The following CLDN10 variants were observed in gnomAD, a reference collection of about 807,000 sequenced individuals.
CLDN10 encodes the protein claudin 10, also known as claudin-10.
CLDN10 carries 15 observed loss-of-function variants against 22.9 expected under a neutral mutation model. That is an observed-to-expected ratio of 0.65 (90% CI 0.44 to 1.01). CLDN10 has a LOEUF of 1.01. Ranked by LOEUF, CLDN10 falls within the 50% of genes least tolerant of loss-of-function variation. CLDN10 has a pLI of 0.00. For missense variants in CLDN10, 247 were observed against 287.8 expected (o/e 0.86, Z 1.03); for synonymous variants, 114 against 111.4 (o/e 1.02, Z -0.15).
At chr13:95,461,706 G>C (rs929610797) in intron 1 of CLDN10, among the ~76,000 whole-genome samples, 3 of 152,134 alleles carry the variant, frequency 2.0e-5, no homozygotes, top group African/African-American at 7.2e-5. Context: ...TGACAGTTCT[G>C]CTTTATAAAT....
chr13:95,462,622 C>A (rs2042545459), intron 1 of CLDN10, among the ~76,000 whole-genome samples: 1 of 152,046 alleles, frequency 6.6e-6, no homozygotes, highest in African/African-American at 2.4e-5. Context: ...GGCCTGGGGA[C>A]CACTTGGCAG....
intron 1 of CLDN10, among the ~76,000 whole-genome samples, chr13:95,477,286 G>C (rs1159588903): frequency 6.6e-6 from 1 of 152,190 alleles, no homozygotes; most frequent in Non-Finnish European, 1.5e-5. Flanking sequence ...AGCTAGCTCA[G>C]GACTGGCTAG....
chr13:95,482,966 C>T (rs1277594332), intron 1 of CLDN10, among the ~76,000 whole-genome samples: 2 of 152,090 alleles, frequency 1.3e-5, no homozygotes, highest in East Asian at 1.9e-4. Context: ...GCAACAAGAG[C>T]GAAACTCCAT....
intron 1 of CLDN10, among the ~76,000 whole-genome samples, chr13:95,435,139 T>C (rs1417587518): frequency 6.6e-6 from 1 of 152,186 alleles, no homozygotes; most frequent in Non-Finnish European, 1.5e-5. Context: ...CCAGAATGCC[T>C]TCAGGGAAAC....
At chr13:95,454,813 T>A (rs990280029) in intron 1 of CLDN10, among the ~76,000 whole-genome samples, 1 of 152,088 alleles carries the variant, frequency 6.6e-6, no homozygotes, top group African/African-American at 2.4e-5. Flanking sequence ...TAAATGCAAA[T>A]GAATATTTTG....
chr13:95,546,546 T>C (rs1336060665), intron 1 of CLDN10, among the ~76,000 whole-genome samples: 1 of 152,260 alleles, frequency 6.6e-6, no homozygotes, highest in Non-Finnish European at 1.5e-5. Flanking sequence ...CTTATAGGTA[T>C]GTTTTTGTAA....
At chr13:95,448,850 G>A (rs536375852) in intron 1 of CLDN10, among the ~76,000 whole-genome samples, 40 of 150,830 alleles carry the variant, frequency 2.7e-4, no homozygotes, top group African/African-American at 9.0e-4. Flanking sequence ...AGTGATTCTC[G>A]GTCCTCAGCC....
intron 3 of CLDN10, 104 bp from the exon 4 acceptor site, chr13:95,577,127 C>CA (rs59299736): frequency 9.4e-6 from 7 of 746,308 alleles, no homozygotes; most frequent in Middle Eastern, 5.6e-4. Flanking sequence ...TTTTCAATAG[C>CA]AAAAAAACAT....
chr13:95,460,942 C>G (rs2139089064), intron 1 of CLDN10, among the ~76,000 whole-genome samples: 1 of 152,200 alleles, frequency 6.6e-6, no homozygotes, highest in South Asian at 2.1e-4. Flanking sequence ...AACCCCATCT[C>G]TACTAAAAAT....
intron 3 of CLDN10, among the ~76,000 whole-genome samples, chr13:95,570,477 A>G (rs1332129978): frequency 1.3e-5 from 2 of 152,162 alleles, no homozygotes; most frequent in Non-Finnish European, 2.9e-5. Flanking sequence ...CCTACTGTGG[A>G]TGGTTTTTAA....
chr13:95,493,807 G>A (rs921347532), intron 1 of CLDN10, among the ~76,000 whole-genome samples: 5 of 152,054 alleles, frequency 3.3e-5, no homozygotes, highest in African/African-American at 7.2e-5. Flanking sequence ...TATTCAGCCC[G>A]CCTCAGCTTC....
chr13:95,460,845 A>T (rs1284512144), intron 1 of CLDN10, among the ~76,000 whole-genome samples: 1 of 152,070 alleles, frequency 6.6e-6, no homozygotes, highest in Non-Finnish European at 1.5e-5. Flanking sequence ...GCGGTGGCTC[A>T]CACCTGTAAT....
intron 1 of CLDN10, among the ~76,000 whole-genome samples, chr13:95,525,946 T>G (rs919382337): frequency 6.6e-6 from 1 of 152,230 alleles, no homozygotes; most frequent in Non-Finnish European, 1.5e-5. Flanking sequence ...GGTCTATAAA[T>G]CCTCTTATTT....
chr13:95,549,542 T>G (rs912958364), upstream of CLDN10, among the ~76,000 whole-genome samples: 28 of 152,244 alleles, frequency 1.8e-4, no homozygotes, highest in African/African-American at 6.8e-4. Context: ...CAAAACTAGC[T>G]TGAGAAGCAT....
intron 1 of CLDN10, among the ~76,000 whole-genome samples, chr13:95,498,284 C>T (rs551422117): frequency 5.9e-5 from 9 of 152,366 alleles, no homozygotes; most frequent in Non-Finnish European, 1.0e-4. Flanking sequence ...CCTTTAGATC[C>T]TTCTCCAGCA....
At chr13:95,472,133 T>C (rs914065690) in intron 1 of CLDN10, among the ~76,000 whole-genome samples, 1 of 152,008 alleles carries the variant, frequency 6.6e-6, no homozygotes, top group Admixed American at 6.6e-5. Context: ...GCCTGTTAAA[T>C]GGCTTCTCAG....
At chr13:95,525,441 T>A (rs2043270639) in intron 1 of CLDN10, among the ~76,000 whole-genome samples, 1 of 152,194 alleles carries the variant, frequency 6.6e-6, no homozygotes, top group African/African-American at 2.4e-5. Context: ...CTGTGGGTTG[T>A]CTACTAACCC....
At chr13:95,466,138 A>C (rs1479284463) in intron 1 of CLDN10, among the ~76,000 whole-genome samples, 1 of 151,918 alleles carries the variant, frequency 6.6e-6, no homozygotes, top group African/African-American at 2.4e-5. Flanking sequence ...ATATAACATA[A>C]AATTTGCCAT....
At chr13:95,436,741 G>A (rs1054382088) in intron 1 of CLDN10, among the ~76,000 whole-genome samples, 1 of 152,294 alleles carries the variant, frequency 6.6e-6, no homozygotes, top group East Asian at 1.9e-4. Context: ...AGAAAACGGG[G>A]ATTCACACAT....
Sources: gnomAD v4.1 joint callset for allele counts (sites outside exome capture counted in the v4.1 genomes callset) on GRCh38, gnomAD v4.1.1 for gene constraint, MANE v1.5 for transcripts, NCBI Gene and HGNC (gene_info 2026-07-23, HGNC 2026-07-21) for gene names.